Variants in CWF19L2 observed in about 807,000 individuals in gnomAD.
CWF19L2 encodes the protein CWF19-like protein 2.
Under a neutral mutation model 111.7 loss-of-function variants are expected in CWF19L2, and 98 were observed. The observed-to-expected ratio is 0.88, with a 90% confidence interval of 0.75 to 1.04. The LOEUF (loss-of-function observed/expected upper bound fraction) is 1.04. Among genes scored for constraint, CWF19L2 ranks in the 50% least tolerant of loss-of-function variants. CWF19L2 has a pLI of 0.00. For missense variants in CWF19L2, 1,101 were observed against 1,051.4 expected, an observed-to-expected ratio of 1.05 and a Z score of -0.65; for synonymous variants, 351 against 342.9, an observed-to-expected ratio of 1.02 and a Z score of -0.26.
At chr11:107,413,759 T>C (rs1328590460) in intron 10 of CWF19L2, among the ~76,000 whole-genome samples, 6 of 152,154 alleles carry the variant, frequency 3.9e-5, no homozygotes, top group Non-Finnish European at 8.8e-5. Flanking sequence ...TAAACAGCCA[T>C]TTTCATAAAC....
rs78470538 is a variant in CWF19L2, at chr11:107,382,069, T to A, written c.1872+8005A>T. ...TCTCAACAAAATTAATGAGGAAAGA[T>A]GTATATAGATCTCTTGAAGATGTGC... On this transcript the variant is annotated intron_variant, in intron 12 of 17. Coordinates refer to ENST00000282251, the MANE Select transcript of CWF19L2 (RefSeq NM_152434.3). 3.5e-3 allele frequency among the ~76,000 whole-genome samples: 532 copies of A among 152,238 alleles called. 15 individuals carry two copies. In the East Asian group the frequency reaches 0.072, roughly 21 times the overall value.
chr11:107,395,289 T>C (rs778278028), intron 10 of CWF19L2, among the ~76,000 whole-genome samples: 2 of 152,214 alleles, frequency 1.3e-5, no homozygotes, highest in African/African-American at 2.4e-5. Flanking sequence ...CCTCCTTGCC[T>C]TCAGCCATGA....
chr11:107,443,714 AC>A (rs1861664519), intron 3 of CWF19L2, among the ~76,000 whole-genome samples: 1 of 152,184 alleles, frequency 6.6e-6, no homozygotes, highest in Admixed American at 6.5e-5. Flanking sequence ...GGGAAACACC[AC>A]CCAGGTAAAC....
At chr11:107,327,412 T>C (rs1160991855) in intron 17 of CWF19L2, among the ~76,000 whole-genome samples, 2 of 152,184 alleles carry the variant, frequency 1.3e-5, no homozygotes, top group East Asian at 3.9e-4. Context: ...AATCAACTTC[T>C]AGCAATTATT....
chr11:107,353,414 C>T (rs1591157511), intron 13 of CWF19L2, 110 bp downstream of exon 13: 1 of 800,660 alleles, frequency 1.2e-6, no homozygotes, highest in East Asian at 2.7e-5. Flanking sequence ...AGGGGAAAGA[C>T]CCAATAAACA....
At chr11:107,353,999 T>G (rs1409237805) in intron 12 of CWF19L2, among the ~76,000 whole-genome samples, 1 of 152,158 alleles carries the variant, frequency 6.6e-6, no homozygotes, top group Non-Finnish European at 1.5e-5. Flanking sequence ...GTGGGGACCA[T>G]TAGCATTTTC....
In CWF19L2 at chr11:107,440,870, A is replaced by T. The variant is rs1861611039; in HGVS notation, c.570+633T>A. 2.6e-5 allele frequency among the ~76,000 whole-genome samples: 4 copies of T among 152,180 alleles called. 1 individual carries two copies. The highest frequency in any genetic ancestry group is 2.6e-4 in the Admixed American group (4 of 15,278). On this transcript the variant is annotated intron_variant, in intron 5 of 17. Transcript: ENST00000282251. ...CAAAAACAATGAAATACCATTTCTC[A>T]CCCATTTATTAGGCTGATAAAAAAA...
intron 13 of CWF19L2, among the ~76,000 whole-genome samples, chr11:107,350,196 T>G (rs1860137308): frequency 6.6e-6 from 1 of 152,152 alleles, no homozygotes; most frequent in Non-Finnish European, 1.5e-5. Flanking sequence ...AGCTACTGAT[T>G]GGCTGATCAA....
rs1565287414 is a variant in CWF19L2 at position 107,442,809 on chromosome 11, AGGGAGGGAGG to A, written c.450+120_450+129del. ...AAGGAAGGAAGGGAGGGAGGGAGGG[AGGGAGGGAGG>A]GGGAGGGAGGGAGAGAGGGACAGAG... On this transcript the variant is annotated intron_variant, in intron 4 of 17. Transcript: ENST00000282251. The A allele has an allele frequency of 9.8e-3, 3,892 of 396,192 alleles. 144 individuals are homozygous for A. The highest frequency in any genetic ancestry group is 0.021 in the African/African-American group (489 of 23,128). 24.5% of individuals were successfully genotyped at this position (396,192 alleles called of 1,614,324 possible).
intron 10 of CWF19L2, among the ~76,000 whole-genome samples, chr11:107,400,706 T>G (rs1860987292): frequency 6.6e-6 from 1 of 152,140 alleles, no homozygotes; most frequent in South Asian, 2.1e-4. Flanking sequence ...CCCTCCCTAA[T>G]TCATTCTGTG....
chr11:107,405,191 A>G (rs1264054716), intron 10 of CWF19L2, among the ~76,000 whole-genome samples: 1 of 152,218 alleles, frequency 6.6e-6, no homozygotes, highest in African/African-American at 2.4e-5. Flanking sequence ...ATAAGGTTTT[A>G]TTGGAACACA....
At chr11:107,451,737 T>C (rs1861781163) in intron 3 of CWF19L2, among the ~76,000 whole-genome samples, 2 of 152,188 alleles carry the variant, frequency 1.3e-5, no homozygotes, top group South Asian at 4.1e-4. Context: ...AACTCAAGAA[T>C]AAACAGAAAG....
At chr11:107,358,707 G>A (rs914110873) in intron 12 of CWF19L2, among the ~76,000 whole-genome samples, 4 of 152,136 alleles carry the variant, frequency 2.6e-5, no homozygotes, top group African/African-American at 9.7e-5. Context: ...AGAGTTGAGA[G>A]GATTAGCTAA....
intron 12 of CWF19L2, among the ~76,000 whole-genome samples, chr11:107,385,069 G>T (rs1860745162): frequency 6.6e-6 from 1 of 152,056 alleles, no homozygotes; most frequent in Non-Finnish European, 1.5e-5. Context: ...CTTAGAAATG[G>T]CCAACACTTC....
Position 107,392,833 on chromosome 11 carries a change from C to G in CWF19L2, c.1680G>C (p.Val560=). The stretch of plus-strand genomic sequence containing the variant: ...ATTCCAGAGATTTTCCGGGTGTGTT[C>G]ACAGGCCATACTCTTCCAGACTGAT... ...RTDQSGRVWP[V]NTPGKSLESQ... The change falls in exon 11 of 18, where the codon GTG becomes GTC. Residue 560 remains valine, a synonymous_variant. Coordinates refer to ENST00000282251, the MANE Select transcript of CWF19L2 (RefSeq NM_152434.3). 6.3e-7 allele frequency: 1 copy of G among 1,596,210 alleles called. No individual in the cohort carries two copies. Among genetic ancestry groups the G allele is most frequent in the Non-Finnish European group, 8.5e-7 (1 of 1,174,178 alleles).
At chr11:107,448,394 A>G (rs575987442) in intron 3 of CWF19L2, among the ~76,000 whole-genome samples, 1 of 151,362 alleles carries the variant, frequency 6.6e-6, no homozygotes, top group East Asian at 1.9e-4. Context: ...AGCTCACGAC[A>G]TAGCAATAAA....
At chr11:107,439,806 C>T (rs1027902073) in intron 5 of CWF19L2, among the ~76,000 whole-genome samples, 4 of 152,104 alleles carry the variant, frequency 2.6e-5, no homozygotes, top group East Asian at 3.8e-4. Context: ...GACTGGGCCA[C>T]GTGAGCCATT....
At chr11:107,424,180 CCT>C (rs1288036038) in intron 8 of CWF19L2, among the ~76,000 whole-genome samples, 1 of 138,044 alleles carries the variant, frequency 7.2e-6, no homozygotes, top group Non-Finnish European at 1.6e-5. Flanking sequence ...GCCACATTTC[CCT>C]CTTTTTTTTT....
chr11:107,395,148 G>C (rs956829039), intron 10 of CWF19L2, among the ~76,000 whole-genome samples: 2 of 152,092 alleles, frequency 1.3e-5, no homozygotes, highest in African/African-American at 2.4e-5. Context: ...TGAATCATGG[G>C]GGCAGGTCTT....
Sources: gnomAD v4.1 joint callset for allele counts (sites outside exome capture counted in the v4.1 genomes callset) on GRCh38, gnomAD v4.1.1 for gene constraint, MANE v1.5 for transcripts, NCBI Gene and HGNC (gene_info 2026-07-23, HGNC 2026-07-21) for gene names.